The following BLTP1 variants were observed in gnomAD, a reference collection of about 807,000 sequenced individuals.
BLTP1 encodes the protein bridge-like lipid transfer protein family member 1, also known as fragile site-associated protein.
the BLTP1 span, chr4:122,281,716 T>G: frequency 2.0e-5 from 32 of 1,605,128 alleles, no homozygotes; most frequent in Non-Finnish European, 2.7e-5. Context: ...GAGCAGCACT[T>G]TTACCATCTC....
At chr4:122,288,937 G>A in the BLTP1 span, 10 of 932,990 alleles carry the variant, frequency 1.1e-5, no homozygotes, top group African/African-American at 3.4e-5. Context: ...TATTAGGAAC[G>A]CTGAATATTT....
chr4:122,262,148 TTGTGTGTGTGTG>T, the BLTP1 span, among the ~76,000 whole-genome samples: 40 of 133,516 alleles, frequency 3.0e-4, no homozygotes, highest in South Asian at 8.6e-4. Flanking sequence ...TACAGATCCT[TTGTGTGTGTGTG>T]TGTGTGTGTG....
At chr4:122,222,910 A>G in the BLTP1 span, 2 of 760,142 alleles carry the variant, frequency 2.6e-6, no homozygotes, top group Non-Finnish European at 3.2e-6. Flanking sequence ...TTTAGAATAT[A>G]ATATTTATTG....
At chr4:122,237,203 A>G in the BLTP1 span, 7 of 985,446 alleles carry the variant, frequency 7.1e-6, no homozygotes, top group Non-Finnish European at 6.0e-6. Flanking sequence ...TTTTTTGGCT[A>G]AAACAGGGAT....
the BLTP1 span, chr4:122,174,691 C>T: frequency 7.4e-7 from 1 of 1,354,384 alleles, no homozygotes; most frequent in Non-Finnish European, 1.0e-6. Flanking sequence ...CCATGTTAAA[C>T]ATACTTTAAA....
chr4:122,161,144 C>T, the BLTP1 span: 1 of 984,018 alleles, frequency 1.0e-6, no homozygotes, highest in Non-Finnish European at 1.2e-6. Flanking sequence ...TTTTCCAGCC[C>T]TTAAAGAACT....
chr4:122,208,106 T>C, the BLTP1 span: 7 of 984,286 alleles, frequency 7.1e-6, no homozygotes, highest in Non-Finnish European at 8.4e-6. Context: ...GTACTTGTAG[T>C]ATTAATAGTG....
chr4:122,359,188 G>A, the BLTP1 span: 1 of 291,732 alleles, frequency 3.4e-6, no homozygotes, highest in Non-Finnish European at 5.1e-6. Flanking sequence ...GTATACATAT[G>A]TAACTAACCT....
the BLTP1 span, chr4:122,187,730 A>G: frequency 1.2e-5 from 6 of 484,052 alleles, no homozygotes; most frequent in African/African-American, 4.2e-5. Flanking sequence ...TCTTTTAACT[A>G]CTGGTTTAAA....
chr4:122,256,270 TGTA>T, the BLTP1 span, among the ~76,000 whole-genome samples: 3 of 152,182 alleles, frequency 2.0e-5, no homozygotes, highest in African/African-American at 7.2e-5. Context: ...CTAAGGCTGG[TGTA>T]GTACTTTTTA....
chr4:122,285,046 G>C, the BLTP1 span, among the ~76,000 whole-genome samples: 1 of 152,172 alleles, frequency 6.6e-6, no homozygotes, highest in African/African-American at 2.4e-5. Flanking sequence ...GGCAGAGTCA[G>C]AAGTCTTAGG....
chr4:122,342,293 G>A, the BLTP1 span, among the ~76,000 whole-genome samples: 1 of 152,074 alleles, frequency 6.6e-6, no homozygotes, highest in Non-Finnish European at 1.5e-5. Flanking sequence ...GTCAGGAGTA[G>A]GAAGGATGAC....
chr4:122,342,251 T>C, the BLTP1 span, among the ~76,000 whole-genome samples: 2 of 152,134 alleles, frequency 1.3e-5, no homozygotes, highest in Non-Finnish European at 1.5e-5. Context: ...GCCTGAGATA[T>C]AGAAATGATG....
the BLTP1 span, chr4:122,221,736 T>C: frequency 4.2e-6 from 4 of 947,348 alleles, no homozygotes; most frequent in African/African-American, 7.1e-5. Flanking sequence ...TTGTTTTTTA[T>C]TCTGGGAGGC....
At chr4:122,301,251 T>A in the BLTP1 span, 1 of 1,469,566 alleles carries the variant, frequency 6.8e-7, no homozygotes, top group South Asian at 1.4e-5. Flanking sequence ...AAAATAGTTA[T>A]TTTTTTTCTT....
chr4:122,350,158 T>A, the BLTP1 span: 5 of 1,475,548 alleles, frequency 3.4e-6, no homozygotes, highest in Non-Finnish European at 3.6e-6. Context: ...TAATAATCTG[T>A]ATGCCCCACT....
chr4:122,184,818 A>G, the BLTP1 span: 1 of 985,318 alleles, frequency 1.0e-6, no homozygotes, highest in East Asian at 1.1e-4. Flanking sequence ...AGAATATTGT[A>G]TGACAAAACT....
the BLTP1 span, chr4:122,264,514 A>G: frequency 7.9e-7 from 1 of 1,270,446 alleles, no homozygotes; most frequent in Non-Finnish European, 1.0e-6. Context: ...CGCACCTTGG[A>G]ATTCTAGTGA....
the BLTP1 span, chr4:122,188,227 T>C: frequency 3.8e-6 from 4 of 1,064,016 alleles, no homozygotes; most frequent in African/African-American, 1.7e-5. Context: ...CAGTTAACAA[T>C]GTAGTCCTTC....
Sources: gnomAD v4.1 joint callset for allele counts (sites outside exome capture counted in the v4.1 genomes callset) on GRCh38, gnomAD v4.1.1 for gene constraint, MANE v1.5 for transcripts, NCBI Gene and HGNC (gene_info 2026-07-23, HGNC 2026-07-21) for gene names.